CPEB2: variants seen among roughly 807,000 people sequenced by gnomAD.
The protein encoded by CPEB2 is cytoplasmic polyadenylation element-binding protein 2.
In CPEB2, 56 loss-of-function variants were observed where a neutral mutation model predicts 93.6. The ratio of observed to expected loss-of-function variants is 0.60; its 90% CI spans 0.48 to 0.75. CPEB2 has a LOEUF of 0.75. Among genes scored for constraint, CPEB2 ranks in the 30% least tolerant of loss-of-function variants. The probability of loss-of-function intolerance (pLI) is 0.00; values close to 1 mark genes in which losing one functional copy is unlikely to be tolerated. For missense variants in CPEB2, 1,579 were observed against 1,395.1 expected, an observed-to-expected ratio of 1.13 and a Z score of -2.10; for synonymous variants, 764 against 586.3, an observed-to-expected ratio of 1.30 and a Z score of -4.38.
At chr4:15,005,843 T>A (rs1321227519) in intron 1 of CPEB2, among the ~76,000 whole-genome samples, 2 of 152,222 alleles carry the variant, frequency 1.3e-5, no homozygotes, top group African/African-American at 4.8e-5. Flanking sequence ...TTCATGATTT[T>A]TATAACCCTC....
In CPEB2 at chr4:15,062,275, G is replaced by T; in HGVS notation, c.2877+15G>T. 23 of 1,591,380 alleles carry T rather than the reference G, an allele frequency of 1.4e-5. No homozygotes were observed. The highest frequency in any genetic ancestry group is 2.0e-5 in the Non-Finnish European group (23 of 1,164,568). On this transcript the variant is annotated intron_variant, in intron 11 of 11. Coordinates refer to ENST00000538197, the MANE Select transcript of CPEB2 (RefSeq NM_001177382.2). ...TTGATAAACGTGTAAGTTGCATATT[G>T]GGAAATCACTTATGTCCTATAATAA... is the stretch of plus-strand genomic sequence containing the variant.
In CPEB2 at chr4:15,031,932, A is replaced by C. The variant is rs377396850; in HGVS notation, c.2126-1229A>C. Among the ~76,000 whole-genome samples, 13 of 152,174 alleles carry C rather than the reference A, an allele frequency of 8.5e-5. No individual in the cohort carries two copies. In the South Asian group the frequency reaches 1.0e-3, roughly 12 times the overall value. On this transcript the variant is annotated intron_variant, in intron 4 of 11. Transcript: ENST00000538197. ...TGAGGTGGTAAAGGTAGATGCAGTT[A>C]ATCTGTAGAGGACTTGCTGAGGTGG... is the stretch of plus-strand genomic sequence containing the variant.
intron 11 of CPEB2, chr4:15,063,920 A>G (rs1729447074): frequency 6.6e-6 from 1 of 152,114 alleles, no homozygotes; most frequent in African/African-American, 2.4e-5. Flanking sequence ...TTTGAGCCTT[A>G]AATATTTTAC....
chr4:15,012,121 TG>T lies in CPEB2; in HGVS notation c.2034+3696del, dbSNP rs550442401. ...ATCTGATAAAGCATTTCTTAAATAGTGGTTTGTAAACCAGATGAACTTCAGG... is the reference window on the plus strand; with the variant it reads ...ATCTGATAAAGCATTTCTTAAATAGTGTTTGTAAACCAGATGAACTTCAGG... On this transcript the variant is annotated intron_variant, in intron 3 of 11. Coordinates refer to ENST00000538197, the MANE Select transcript of CPEB2 (RefSeq NM_001177382.2). Among the ~76,000 whole-genome samples, 126 of 152,366 alleles carry T rather than the reference TG, an allele frequency of 8.3e-4. 3 individuals carry two copies. The highest frequency in any genetic ancestry group is 4.6e-3 in the East Asian group (24 of 5,192).
rs913985001 is a variant in CPEB2 at position 15,005,304 on chromosome 4, T to A, written c.1662+969T>A. The A allele has an allele frequency of 2.0e-5, 3 of 152,298 alleles. No individual in the cohort carries two copies. In the East Asian group the frequency reaches 5.8e-4, roughly 29 times the overall value. 9.4% of individuals were successfully genotyped at this position (152,298 alleles called of 1,614,324 possible). ...TTGGATCTGGGATTGGTGTGTTTCC[T>A]CGTAGACTTTCGGTACATTTTTTGG... On this transcript the variant is annotated intron_variant, in intron 1 of 11. Coordinates refer to ENST00000538197, the MANE Select transcript of CPEB2 (RefSeq NM_001177382.2).
chr4:15,035,017 G>T (rs1472715761), intron 5 of CPEB2, among the ~76,000 whole-genome samples: 2 of 152,100 alleles, frequency 1.3e-5, no homozygotes, highest in African/African-American at 4.8e-5. Flanking sequence ...AAATGTTATT[G>T]ACTGATTAAA....
intron 11 of CPEB2, among the ~76,000 whole-genome samples, chr4:15,064,246 T>C (rs1026421175): frequency 1.3e-5 from 2 of 152,100 alleles, no homozygotes; most frequent in African/African-American, 4.8e-5. Context: ...TTCTAGTAAA[T>C]GTTAGAAAAT....
intron 10 of CPEB2, among the ~76,000 whole-genome samples, chr4:15,060,945 G>A (rs7690193): frequency 6.6e-6 from 1 of 152,142 alleles, no homozygotes; most frequent in Non-Finnish European, 1.5e-5. Flanking sequence ...GATTGCATGT[G>A]CAGTATGGAG....
chr4:15,028,317 G>T (rs1460996989), intron 4 of CPEB2, among the ~76,000 whole-genome samples: 1 of 149,268 alleles, frequency 6.7e-6, no homozygotes, highest in Non-Finnish European at 1.5e-5. Flanking sequence ...TGAAAAAAAA[G>T]TCTTGTTCTA....
At position 15,017,146 on chromosome 4, in the gene CPEB2, A is replaced by C. The variant is rs545036583; in HGVS notation, c.2035-42A>C. The C allele has an allele frequency of 2.6e-4, 299 of 1,142,442 alleles. 1 individual carries two copies. In the East Asian group the frequency reaches 6.3e-3, roughly 24 times the overall value. The allele number at this position is 1,142,442 out of a possible 1,614,324, so 70.8% of individuals were successfully genotyped here. ...GTGTTTTATAATCGCTTTTTGAAAA[A>C]ACTGCATAGATTATAATGTCTTTTT... On this transcript the variant is annotated intron_variant, in intron 3 of 11. Transcript: ENST00000538197.
intron 8 of CPEB2, among the ~76,000 whole-genome samples, chr4:15,055,293 A>G (rs1728607657): frequency 6.6e-6 from 1 of 152,152 alleles, no homozygotes; most frequent in Admixed American, 6.5e-5. Flanking sequence ...CCTCTATGAG[A>G]ATCTGATTAA....
intron 4 of CPEB2, among the ~76,000 whole-genome samples, chr4:15,027,865 G>T (rs941502229): frequency 6.6e-6 from 1 of 152,068 alleles, no homozygotes; most frequent in African/African-American, 2.4e-5. Context: ...TGACTAAGAG[G>T]TAGATATTTA....
At position 15,062,243 on chromosome 4, in the gene CPEB2, G is replaced by A. The variant is rs1409485968; in HGVS notation, c.2860G>A (p.Gly954Ser). 6.2e-7 allele frequency: 1 copy of A among 1,609,598 alleles called. No homozygotes were observed. ...TGCTCGGTTTGTTCAGCTTCAGCAT[G>A]GTGATATTGATAAACGTGTAAGTTG... is the stretch of plus-strand genomic sequence containing the variant. ...ISARFVQLQHGDIDKRVEVKP... is the reference protein window; with the variant it reads ...ISARFVQLQHSDIDKRVEVKP... The change falls in exon 11 of 12, where the codon GGT becomes AGT. Residue 954 changes from glycine to serine, a missense_variant. Physicochemically the swap from Gly to Ser is moderately conservative, Grantham distance 56. Coordinates refer to ENST00000538197, the MANE Select transcript of CPEB2 (RefSeq NM_001177382.2).
chr4:15,023,693 C>T (rs1725045100), intron 4 of CPEB2, among the ~76,000 whole-genome samples: 1 of 151,698 alleles, frequency 6.6e-6, no homozygotes, highest in Non-Finnish European at 1.5e-5. Flanking sequence ...AAGTCTCCTT[C>T]CTCCTCCTTG....
rs568745790 is a variant in CPEB2 at position 15,003,402 on chromosome 4, C to G, written c.729C>G (p.His243Gln). The change falls in exon 1 of 12, where the codon CAC (histidine) becomes CAG (glutamine). Residue 243 changes from histidine to glutamine, a missense_variant. Around this residue, in one of 2 missense-constraint regions of CPEB2, gnomAD observed 1,411 missense variants for 1,056.0 expected, o/e 1.34. Coordinates refer to ENST00000538197, the MANE Select transcript of CPEB2 (RefSeq NM_001177382.2). ...AGTTCAGCCTCCTGCATCAGCAGCA[C>G]CTCTCGCCGCAGGACTTCGCCCCGC... Reference protein sequence around the residue: ...PQQFSLLHQQHLSPQDFAPRQ... With the variant: ...PQQFSLLHQQQLSPQDFAPRQ... The G allele has an allele frequency of 2.2e-6, 3 of 1,367,004 alleles. No homozygotes were observed. Among genetic ancestry groups the G allele is most frequent in the Non-Finnish European group, 2.8e-6 (3 of 1,071,240 alleles). 84.7% of individuals were successfully genotyped at this position (1,367,004 alleles called of 1,614,324 possible).
At chr4:15,063,737 G>C (rs1729428350) in intron 11 of CPEB2, 1 of 152,052 alleles carries the variant, frequency 6.6e-6, no homozygotes, top group Admixed American at 6.6e-5. Context: ...TGAAATTATA[G>C]TGAAGGACCG....
rs767334000 is a variant in CPEB2 at position 15,017,162 on chromosome 4, A to AT, written c.2035-25dup. The AT allele has an allele frequency of 2.3e-6, 3 of 1,300,638 alleles. 1 individual carries two copies. The highest frequency in any genetic ancestry group is 3.7e-4 in the Middle Eastern group (2 of 5,374). 80.6% of individuals were successfully genotyped at this position (1,300,638 alleles called of 1,614,324 possible). ...TTTTGAAAAAACTGCATAGATTATA[A>AT]TGTCTTTTTTCCTCTTCTCTTCCAG... On this transcript the variant is annotated intron_variant, in intron 3 of 11. Transcript: ENST00000538197.
At position 15,003,787 on chromosome 4, in the gene CPEB2, T is replaced by A; in HGVS notation, c.1114T>A (p.Ser372Thr). 4 of 629,446 alleles carry A rather than the reference T, an allele frequency of 6.4e-6. No individual in the cohort carries two copies. The highest frequency in any genetic ancestry group is 6.2e-6 in the Non-Finnish European group (3 of 485,334). The allele number at this position is 629,446 out of a possible 1,614,324, so 39.0% of individuals were successfully genotyped here. Residue 372 changes from serine to threonine, a missense_variant, in exon 1 of 12, where the codon TCG becomes ACG. Coordinates refer to ENST00000538197, the MANE Select transcript of CPEB2 (RefSeq NM_001177382.2). ...AGGCGGAGGGGGAGGCGGCTCCGCGTCGCCGCCGCCGCTGCCCGGCTTCGG... is the reference window on the plus strand; with the variant it reads ...AGGCGGAGGGGGAGGCGGCTCCGCGACGCCGCCGCCGCTGCCCGGCTTCGG... Reference protein sequence around the residue: ...PGGGGGGGSASPPPLPGFGTP... With the variant: ...PGGGGGGGSATPPPLPGFGTP...
In CPEB2 at chr4:15,007,476, A is replaced by T. The variant is rs972964332; in HGVS notation, c.1834A>T (p.Ile612Leu). ...GAAGAAACCGTTTTCTGGTAATGTC[A>T]TAGCACCACCGAAATTTACTCGCTC... ...PLKKPFSGNV[I>L]APPKFTRSTP... The change falls in exon 2 of 12, where the codon ATA becomes TTA. Residue 612 changes from isoleucine to leucine, a missense_variant. Around this residue, in one of 2 missense-constraint regions of CPEB2, gnomAD observed 1,411 missense variants for 1,056.0 expected, o/e 1.34. Transcript: ENST00000538197. 1.2e-6 allele frequency: 2 copies of T among 1,614,134 alleles called. No individual in the cohort carries two copies. The highest frequency in any genetic ancestry group is 1.3e-5 in the African/African-American group (1 of 75,024).
Sources: allele counts gnomAD v4.1 joint callset (sites outside exome capture counted in the v4.1 genomes callset), GRCh38; gene constraint gnomAD v4.1.1; regional missense constraint gnomAD v4.1.1; transcripts MANE v1.5; gene names NCBI Gene and HGNC (gene_info 2026-07-23, HGNC 2026-07-21).